COG5: variants seen among roughly 807,000 people sequenced by gnomAD.
The protein encoded by COG5 is conserved oligomeric Golgi complex subunit 5.
A neutral mutation model predicts 110.4 loss-of-function variants in COG5; 86 were observed. The observed-to-expected ratio is 0.78, with a 90% CI of 0.65 to 0.93. The LOEUF (loss-of-function observed/expected upper bound fraction) is 0.93. Ranked by LOEUF, COG5 falls within the 40% of genes least tolerant of loss-of-function variation. The pLI is 0.00. For synonymous variants in COG5, 360 were observed against 334.6 expected (o/e 1.08, Z -0.83); for missense variants, 1,077 against 987.0 (o/e 1.09, Z -1.22).
chr7:107,302,502 T>C (rs1315045132), intron 11 of COG5, among the ~76,000 whole-genome samples: 3 of 152,218 alleles, frequency 2.0e-5, no homozygotes, highest in Admixed American at 1.3e-4. Flanking sequence ...TCAAATTGTA[T>C]ACTTTCAAGA....
intron 18 of COG5, among the ~76,000 whole-genome samples, chr7:107,230,896 G>A (rs1244961099): frequency 1.4e-5 from 2 of 146,090 alleles, no homozygotes; most frequent in African/African-American, 5.3e-5. Flanking sequence ...CCCAAGATGA[G>A]ACAATTCCTT....
At chr7:107,491,121 T>C (rs1348334212) in intron 6 of COG5, among the ~76,000 whole-genome samples, 1 of 152,088 alleles carries the variant, frequency 6.6e-6, no homozygotes, top group African/African-American at 2.4e-5. Flanking sequence ...AATCAATAGA[T>C]TAGGTGGCTA....
At chr7:107,557,214 T>TA (rs1180677133) in intron 2 of COG5, among the ~76,000 whole-genome samples, 2 of 152,208 alleles carry the variant, frequency 1.3e-5, no homozygotes, top group African/African-American at 4.8e-5. Flanking sequence ...ATCAAGTGGA[T>TA]ATGTCTCAGG....
chr7:107,520,377 C>T (rs1212100171), intron 6 of COG5, among the ~76,000 whole-genome samples: 2 of 152,094 alleles, frequency 1.3e-5, no homozygotes, highest in Non-Finnish European at 2.9e-5. Context: ...GATGACATAA[C>T]TGTATATTTA....
chr7:107,406,806 C>A (rs1791877356), intron 7 of COG5, among the ~76,000 whole-genome samples: 1 of 151,952 alleles, frequency 6.6e-6, no homozygotes, highest in Admixed American at 6.6e-5. Context: ...TTAAGAACTG[C>A]ATAAAGATAT....
At chr7:107,418,655 A>G (rs889871045) in intron 6 of COG5, among the ~76,000 whole-genome samples, 1 of 150,590 alleles carries the variant, frequency 6.6e-6, no homozygotes, top group African/African-American at 2.4e-5. Context: ...ACCTTAGAGA[A>G]CACAGAAGTT....
At chr7:107,509,085 G>T (rs753890964) in intron 6 of COG5, among the ~76,000 whole-genome samples, 20 of 152,080 alleles carry the variant, frequency 1.3e-4, no homozygotes, top group Non-Finnish European at 2.1e-4. Context: ...GGCTTCAGAA[G>T]ATCAAACTAC....
intron 6 of COG5, among the ~76,000 whole-genome samples, chr7:107,446,553 G>A (rs1379633750): frequency 6.6e-6 from 1 of 152,060 alleles, no homozygotes; most frequent in Non-Finnish European, 1.5e-5. Context: ...CAAACATAAC[G>A]ATACATCATA....
At chr7:107,497,952 ATAGAG>A (rs777736309) in intron 6 of COG5, among the ~76,000 whole-genome samples, 75 of 152,342 alleles carry the variant, frequency 4.9e-4, no homozygotes, top group Admixed American at 2.9e-3. Flanking sequence ...AACTGATGCA[ATAGAG>A]TAGAGAGCCC....
chr7:107,335,131 T>C (rs1810595911), intron 10 of COG5, among the ~76,000 whole-genome samples: 1 of 152,228 alleles, frequency 6.6e-6, no homozygotes, highest in Admixed American at 6.5e-5. Flanking sequence ...TAAAGTTTTT[T>C]CTTTCTTTGT....
intron 12 of COG5, among the ~76,000 whole-genome samples, chr7:107,296,061 C>A (rs138903900): frequency 6.6e-6 from 1 of 151,896 alleles, no homozygotes; most frequent in Non-Finnish European, 1.5e-5. Flanking sequence ...CCAAAGTTCA[C>A]GGTCTTTCTT....
chr7:107,475,229 T>G, intron 6 of COG5: 2 of 1,610,856 alleles, frequency 1.2e-6, no homozygotes, highest in Non-Finnish European at 1.7e-6. Flanking sequence ...GTTTCTATAG[T>G]AGAAGCTGAT....
At chr7:107,307,833 T>C (rs773590516) in intron 11 of COG5, among the ~76,000 whole-genome samples, 2 of 151,956 alleles carry the variant, frequency 1.3e-5, no homozygotes, top group Non-Finnish European at 2.9e-5. Flanking sequence ...GTGATGGGTG[T>C]ACAAAAATCT....
At chr7:107,539,683 C>A (rs1801838765) in intron 5 of COG5, among the ~76,000 whole-genome samples, 1 of 151,952 alleles carries the variant, frequency 6.6e-6, no homozygotes. Context: ...AGTAAAAACC[C>A]CTAAACTGTA....
intron 14 of COG5, among the ~76,000 whole-genome samples, chr7:107,260,214 A>G (rs1803224121): frequency 6.6e-6 from 1 of 152,130 alleles, no homozygotes; most frequent in African/African-American, 2.4e-5. Context: ...AATGTAGAAT[A>G]TCCACGCAAT....
chr7:107,246,418 TA>T (rs1020593679), intron 17 of COG5, among the ~76,000 whole-genome samples: 3 of 151,716 alleles, frequency 2.0e-5, no homozygotes, highest in African/African-American at 7.3e-5. Flanking sequence ...ATCAACAGAG[TA>T]AACAGACAAT....
chr7:107,215,970 A>C (rs1799501709), intron 19 of COG5, among the ~76,000 whole-genome samples: 1 of 152,056 alleles, frequency 6.6e-6, no homozygotes, highest in Non-Finnish European at 1.5e-5. Flanking sequence ...CGGCCTCCCA[A>C]AGTGCTGGGA....
intron 6 of COG5, among the ~76,000 whole-genome samples, chr7:107,444,925 T>C (rs1281929234): frequency 6.6e-6 from 1 of 152,154 alleles, no homozygotes; most frequent in Admixed American, 6.5e-5. Context: ...TAGTGGCTCA[T>C]GCCTGTAATC....
chr7:107,444,320 C>T (rs921139912), intron 6 of COG5, among the ~76,000 whole-genome samples: 3 of 152,076 alleles, frequency 2.0e-5, no homozygotes, highest in Non-Finnish European at 4.4e-5. Flanking sequence ...CTAAATTATT[C>T]AGTATTATTT....
Sources: gnomAD v4.1 joint callset for allele counts (sites outside exome capture counted in the v4.1 genomes callset) on GRCh38, gnomAD v4.1.1 for gene constraint, MANE v1.5 for transcripts, NCBI Gene and HGNC (gene_info 2026-07-23, HGNC 2026-07-21) for gene names.